ABCA6: variants seen among roughly 807,000 people sequenced by gnomAD.
ABCA6 encodes the protein ATP-binding cassette sub-family A member 6.
Under a neutral mutation model 191.2 loss-of-function variants are expected in ABCA6, and 164 were observed. The ratio of observed to expected loss-of-function variants is 0.86; its 90% CI spans 0.76 to 0.98. The LOEUF (loss-of-function observed/expected upper bound fraction) is 0.98, where lower values mean the gene tolerates loss of function less well. Ranked by LOEUF, ABCA6 falls within the 50% of genes least tolerant of loss-of-function variation. The pLI is 0.00. For missense variants in ABCA6, 1,958 were observed against 1,894.1 expected (o/e 1.03, Z -0.63); for synonymous variants, 636 against 647.7 (o/e 0.98, Z 0.27).
rs1407791752 is a variant in ABCA6 at position 69,084,248 on chromosome 17, T to A, written c.4355+13A>T. ...TGTGCATGCTCGCAGCTCTGGGGTA[T>A]AATGATGCTCACCACATTTGCTGCT... On this transcript the variant is annotated intron_variant, in intron 34 of 38. Transcript: ENST00000284425. 6.2e-7 allele frequency: 1 copy of A among 1,613,468 alleles called. No individual in the cohort carries two copies. The highest frequency in any genetic ancestry group is 1.1e-5 in the South Asian group (1 of 91,070).
Position 69,133,776 on chromosome 17 carries a change from TGAA to T in ABCA6, c.653_655del (p.Leu218del), listed in dbSNP as rs747675870. On this transcript the variant is annotated inframe_deletion, in exon 6 of 39. Transcript: ENST00000284425. ...GAAGAATAAAATAAACATCTCATTGTGAAGAAGATTTTTAGTTATGAAAGGTAA... is the reference window on the plus strand; with the variant it reads ...GAAGAATAAAATAAACATCTCATTGTGAAGATTTTTAGTTATGAAAGGTAA... 6 of 1,612,170 alleles carry T rather than the reference TGAA, an allele frequency of 3.7e-6. No individual in the cohort carries two copies. Among genetic ancestry groups the T allele is most frequent in the African/African-American group, 1.3e-5 (1 of 74,880 alleles).
intron 17 of ABCA6, chr17:69,109,554 CCA>C (rs369624878): frequency 3.3e-4 from 50 of 152,276 alleles, no homozygotes; most frequent in African/African-American, 1.2e-3. Context: ...GTTTCATTTT[CCA>C]CAGTTTCAAT....
In ABCA6 at chr17:69,105,445, T is replaced by C. The variant is rs758671880; in HGVS notation, c.2740+17A>G. Reference sequence around the variant, plus strand: ...AAATAACTTATTTCTGGATTTAAATTTTATTTTTCTTTTCACCTGTGTTAT... The same window carrying C: ...AAATAACTTATTTCTGGATTTAAATCTTATTTTTCTTTTCACCTGTGTTAT... On this transcript the variant is annotated intron_variant, in intron 20 of 38. Coordinates refer to ENST00000284425, the MANE Select transcript of ABCA6 (RefSeq NM_080284.3). 36 of 1,594,558 alleles carry C rather than the reference T, an allele frequency of 2.3e-5. No homozygotes were observed. Among genetic ancestry groups the C allele is most frequent in the South Asian group, 3.5e-5 (3 of 86,436 alleles).
rs201787052 is a variant in ABCA6, at chr17:69,110,916, G to C, written c.2157C>G (p.Asn719Lys). 6.2e-7 allele frequency: 1 copy of C among 1,605,630 alleles called. No homozygotes were observed. The highest frequency in any genetic ancestry group is 8.5e-7 in the Non-Finnish European group (1 of 1,176,942). The change falls in exon 17 of 39, where the codon AAC becomes AAG. Residue 719 changes from asparagine (N) to lysine (K), a missense_variant. Physicochemically the swap from Asn to Lys is moderately conservative, Grantham distance 94 (BLOSUM62 0). Coordinates refer to ENST00000284425, the MANE Select transcript of ABCA6 (RefSeq NM_080284.3). ...TAATGAAGGATGTTATTTGTTCTGGGTTACATATTTCATTCCTATGTAAAC... is the reference window on the plus strand; with the variant it reads ...TAATGAAGGATGTTATTTGTTCTGGCTTACATATTTCATTCCTATGTAAAC... ...HLSLHRNEICNPEQITSFITH... is the reference protein window; with the variant it reads ...HLSLHRNEICKPEQITSFITH...
intron 29 of ABCA6, among the ~76,000 whole-genome samples, chr17:69,087,067 T>C (rs953107744): frequency 6.6e-6 from 1 of 152,194 alleles, no homozygotes; most frequent in Non-Finnish European, 1.5e-5. Flanking sequence ...ATTATTTAAC[T>C]CATGAGGTCT....
At chr17:69,133,955 C>G in intron 5 of ABCA6, 88 bp from the exon 6 acceptor site, 1 of 938,758 alleles carries the variant, frequency 1.1e-6, no homozygotes, top group Non-Finnish European at 1.6e-6. Context: ...TTACTTATGT[C>G]GGTTCTCCAA....
rs537658600 is a variant in ABCA6 at position 69,108,066 on chromosome 17, C to A, written c.2273-254G>T. ...CAGTTTATGAGCTTCCTGCAGATTTCTCTGCAGAAATCTGAACAATCAGAA... is the reference window on the plus strand; with the variant it reads ...CAGTTTATGAGCTTCCTGCAGATTTATCTGCAGAAATCTGAACAATCAGAA... On this transcript the variant is annotated intron_variant, in intron 17 of 38. Coordinates refer to ENST00000284425, the MANE Select transcript of ABCA6 (RefSeq NM_080284.3). The A allele has an allele frequency of 4.5e-5, 18 of 398,472 alleles. 1 individual carries two copies. The South Asian group carries it at 5.3e-4, about 12-fold the overall frequency. 24.7% of individuals were successfully genotyped at this position (398,472 alleles called of 1,614,324 possible). A position where few individuals can be genotyped will look rare whatever the true frequency, so the allele number is the denominator to read the frequency against.
chr17:69,131,923 G>T (rs1486862153), intron 6 of ABCA6, among the ~76,000 whole-genome samples: 1 of 152,148 alleles, frequency 6.6e-6, no homozygotes, highest in East Asian at 1.9e-4. Context: ...CAGAAAGAAG[G>T]CCCCTTTTAC....
At chr17:69,126,888 T>C (rs1293336574) in intron 8 of ABCA6, among the ~76,000 whole-genome samples, 1 of 152,066 alleles carries the variant, frequency 6.6e-6, no homozygotes, top group South Asian at 2.1e-4. Flanking sequence ...CAAGACTCTA[T>C]TGAAAAAGAG....
Position 69,115,451 on chromosome 17 carries a change from C to A in ABCA6, c.1531G>T (p.Ala511Ser), listed in dbSNP as rs757271071. 6.2e-7 allele frequency: 1 copy of A among 1,611,668 alleles called. No homozygotes were observed. Among genetic ancestry groups the A allele is most frequent in the Admixed American group, 1.7e-5 (1 of 59,846 alleles). ...CCAGCTCCACTGTGACCCAGGATTGCCGTGATTTGACCTTCATATATGTCA... is the reference window on the plus strand; with the variant it reads ...CCAGCTCCACTGTGACCCAGGATTGACGTGATTTGACCTTCATATATGTCA... ...LFDIYEGQIT[A>S]ILGHSGAGKS... Residue 511 changes from alanine to serine, a missense_variant, in exon 12 of 39, where the codon GCA becomes TCA. By Grantham distance (99) the Ala-to-Ser change is moderately conservative. Coordinates refer to ENST00000284425, the MANE Select transcript of ABCA6 (RefSeq NM_080284.3).
At chr17:69,112,462 A>G in intron 15 of ABCA6, 189 bp from the exon 16 acceptor site, 1 of 500,790 alleles carries the variant, frequency 2.0e-6, no homozygotes, top group South Asian at 3.0e-5. Flanking sequence ...AACTCATGAT[A>G]TTATTCAGCC....
In ABCA6 at chr17:69,112,146, C is replaced by T. The variant is rs369936131; in HGVS notation, c.2132+37G>A. On this transcript the variant is annotated intron_variant, in intron 16 of 38. Coordinates refer to ENST00000284425, the MANE Select transcript of ABCA6 (RefSeq NM_080284.3). ...CCACCTTTTTCATATACCAGTATTG[C>T]AAACACATAAATCCAATCTATTCCC... 2.7e-6 allele frequency: 4 copies of T among 1,483,136 alleles called. No individual in the cohort carries two copies. The African/African-American group carries it at 4.2e-5, about 16-fold the overall frequency. The allele number at this position is 1,483,136 out of a possible 1,614,324, so 91.9% of individuals were successfully genotyped here.
intron 3 of ABCA6, among the ~76,000 whole-genome samples, chr17:69,136,963 T>TAA (rs964692296): frequency 6.6e-6 from 1 of 152,196 alleles, no homozygotes; most frequent in African/African-American, 2.4e-5. Flanking sequence ...ATACAAATCT[T>TAA]AATCATTGTA....
chr17:69,102,226 AT>A (rs1417524501), intron 21 of ABCA6, among the ~76,000 whole-genome samples: 1 of 152,132 alleles, frequency 6.6e-6, no homozygotes, highest in Non-Finnish European at 1.5e-5. Flanking sequence ...CCTGCTTGTA[AT>A]TCCAGCTACT....
chr17:69,135,481 G>A (rs2073933542), intron 4 of ABCA6: 1 of 152,762 alleles, frequency 6.5e-6, no homozygotes, highest in Non-Finnish European at 1.5e-5. Flanking sequence ...TTTACAAGAT[G>A]CCACAGGAGG....
At chr17:69,104,587 T>C (rs1216489877) in intron 20 of ABCA6, 1 of 151,374 alleles carries the variant, frequency 6.6e-6, no homozygotes, top group Non-Finnish European at 1.5e-5. Flanking sequence ...TTTCTTTGTT[T>C]GTTTGTTTGT....
intron 20 of ABCA6, 67 bp downstream of exon 20, chr17:69,105,395 C>CA (rs368074760): frequency 7.7e-6 from 11 of 1,420,570 alleles, no homozygotes; most frequent in Middle Eastern, 2.3e-4. Flanking sequence ...TTCCCCCCCC[C>CA]ACCTCCTGTG....
chr17:69,117,505 T>C (rs761926183), intron 11 of ABCA6, among the ~76,000 whole-genome samples: 9 of 152,082 alleles, frequency 5.9e-5, no homozygotes, highest in Admixed American at 1.3e-4. Context: ...TCAATGGTTT[T>C]ACTCATCTTG....
In ABCA6 at chr17:69,102,905, T is replaced by A; in HGVS notation, c.2804A>T (p.Asp935Val). 5 of 1,594,948 alleles carry A rather than the reference T, an allele frequency of 3.1e-6. No individual in the cohort carries two copies. Among genetic ancestry groups the A allele is most frequent in the Non-Finnish European group, 2.6e-6 (3 of 1,168,988 alleles). The change falls in exon 21 of 39, where the codon GAC (aspartate) becomes GTC (valine). Residue 935 changes from aspartate to valine, a missense_variant. Asp to Val is a radical substitution (Grantham distance 152). Coordinates refer to ENST00000284425, the MANE Select transcript of ABCA6 (RefSeq NM_080284.3). ...KHQNILLEVDDFENRNGTDGL... is the reference protein window; with the variant it reads ...KHQNILLEVDVFENRNGTDGL... ...ATCAGTACCATTTCTGTTTTCAAAG[T>A]CATCTACTTCCAAAAGTATATTTTG...
Sources: gnomAD v4.1 joint callset for allele counts (sites outside exome capture counted in the v4.1 genomes callset) on GRCh38, gnomAD v4.1.1 for gene constraint, MANE v1.5 for transcripts, NCBI Gene and HGNC (gene_info 2026-07-23, HGNC 2026-07-21) for gene names.